Variants in SNX2 observed in about 807,000 individuals in gnomAD.
SNX2 encodes sorting nexin 2, also known as sorting nexin-2.
Under a neutral mutation model 69.9 loss-of-function variants are expected in SNX2, and 25 were observed. The ratio of observed to expected loss-of-function variants is 0.36; its 90% CI spans 0.26 to 0.50. The LOEUF (loss-of-function observed/expected upper bound fraction) is 0.50. Ranked by LOEUF, SNX2 falls within the 20% of genes least tolerant of loss-of-function variation. The pLI, the probability that SNX2 is intolerant of heterozygous loss-of-function variation, is 0.97. For missense variants in SNX2, 551 were observed against 613.3 expected (o/e 0.90, Z 1.07); for synonymous variants, 229 against 200.4 (o/e 1.14, Z -1.20).
chr5:122,784,451 A>T (rs1230912896), intron 1 of SNX2, among the ~76,000 whole-genome samples: 1 of 151,886 alleles, frequency 6.6e-6, no homozygotes, highest in Non-Finnish European at 1.5e-5. Flanking sequence ...TGCATTCATT[A>T]TGATAATCAT....
At chr5:122,817,540 A>G (rs1041184608) in intron 10 of SNX2, among the ~76,000 whole-genome samples, 167 bp downstream of exon 10, 3 of 151,978 alleles carry the variant, frequency 2.0e-5, no homozygotes, top group Admixed American at 2.0e-4. Context: ...TTTTTGTTCT[A>G]TTTTGCTTTA....
At chr5:122,784,804 A>G (rs1217817910) in intron 1 of SNX2, among the ~76,000 whole-genome samples, 10 of 152,168 alleles carry the variant, frequency 6.6e-5, no homozygotes, top group African/African-American at 2.2e-4. Flanking sequence ...GTTGTGTGGA[A>G]TTAGTCTTAC....
chr5:122,822,646 G>A (rs1400403815), intron 11 of SNX2, among the ~76,000 whole-genome samples: 4 of 152,130 alleles, frequency 2.6e-5, no homozygotes, highest in East Asian at 3.9e-4. Context: ...TAAGCCTGGC[G>A]TTGTGTCAGG....
chr5:122,820,352 A>G (rs1254671967), intron 11 of SNX2, among the ~76,000 whole-genome samples: 1 of 152,174 alleles, frequency 6.6e-6, no homozygotes, highest in Non-Finnish European at 1.5e-5. Flanking sequence ...CCTGGCCAAC[A>G]TGGTGAAACC....
rs1332027242 is a variant in SNX2 at position 122,816,920 on chromosome 5, T to TA, written c.805dup (p.Arg269LysfsTer4). 1 of 1,603,884 alleles carries TA rather than the reference T, an allele frequency of 6.2e-7. No individual in the cohort carries two copies. The highest frequency in any genetic ancestry group is 2.2e-5 in the East Asian group (1 of 44,750). On this transcript the variant is annotated frameshift_variant, in exon 9 of 15. Coordinates refer to ENST00000379516, the MANE Select transcript of SNX2 (RefSeq NM_003100.4). LOFTEE classifies it high-confidence loss of function. ...TATTTGTCATTCAATTCCAGCTGCC[T>TA]AGAGCAGTTAATACACAGGCTCTGA...
chr5:122,786,688 T>TA (rs3834246), intron 1 of SNX2, among the ~76,000 whole-genome samples: 30,347 of 147,156 alleles, frequency 0.21, 3,431 homozygotes, highest in East Asian at 0.46. Context: ...TAAGACAGAA[T>TA]AAAAAAAAAA....
chr5:122,787,635 A>T (rs1365415173), intron 1 of SNX2, among the ~76,000 whole-genome samples: 1 of 152,154 alleles, frequency 6.6e-6, no homozygotes, highest in Non-Finnish European at 1.5e-5. Context: ...TAGCCTCTCC[A>T]TAGTGATATG....
At chr5:122,797,478 G>A (rs569693294) in intron 2 of SNX2, among the ~76,000 whole-genome samples, 3 of 150,676 alleles carry the variant, frequency 2.0e-5, no homozygotes, top group East Asian at 2.0e-4. Context: ...GATCATTTTT[G>A]TATGAATGAA....
intron 7 of SNX2, among the ~76,000 whole-genome samples, chr5:122,814,864 C>T (rs1753868526): frequency 2.0e-5 from 3 of 152,156 alleles, no homozygotes; most frequent in Admixed American, 6.5e-5. Flanking sequence ...ATTCTCCTTC[C>T]TCGGCCTCCT....
intron 3 of SNX2, 84 bp downstream of exon 3, chr5:122,799,939 A>C: frequency 1.9e-6 from 2 of 1,075,866 alleles, no homozygotes; most frequent in South Asian, 3.5e-5. Context: ...AGTCATTTCT[A>C]ATCAAAGCCT....
chr5:122,827,816 C>A (rs1581649937), intron 14 of SNX2, 170 bp downstream of exon 14: 1 of 540,156 alleles, frequency 1.9e-6, no homozygotes, highest in Non-Finnish European at 3.2e-6. Flanking sequence ...GAAACTATCT[C>A]ACGTGTTTTT....
At chr5:122,822,324 C>A (rs1754042943) in intron 11 of SNX2, among the ~76,000 whole-genome samples, 2 of 152,186 alleles carry the variant, frequency 1.3e-5, no homozygotes, top group Admixed American at 6.5e-5. Context: ...ACCTCGTGAT[C>A]TACTCACCTC....
At chr5:122,775,033 G>C (rs562642409), upstream of SNX2, 1 of 1,406,768 alleles carries the variant, frequency 7.1e-7, no homozygotes, top group Non-Finnish European at 9.4e-7. Flanking sequence ...GGGTCGGCGC[G>C]GGCCCAGCCG....
intron 1 of SNX2, among the ~76,000 whole-genome samples, chr5:122,792,214 G>C (rs748640159): frequency 6.6e-6 from 1 of 152,140 alleles, no homozygotes; most frequent in Non-Finnish European, 1.5e-5. Flanking sequence ...AGAGATTTTT[G>C]TGCCATTGAG....
chr5:122,803,682 G>A, intron 6 of SNX2, 69 bp downstream of exon 6: 1 of 1,264,430 alleles, frequency 7.9e-7, no homozygotes, highest in Non-Finnish European at 1.1e-6. Context: ...GTATAGATTT[G>A]TGGATTTCTT....
rs1430818419 is a variant in SNX2 at position 122,775,136 on chromosome 5, G to C, written c.33G>C (p.Gly11=). Residue 11 remains glycine (G), a synonymous_variant, in exon 1 of 15, where the codon GGG becomes GGC. Coordinates refer to ENST00000379516, the MANE Select transcript of SNX2 (RefSeq NM_003100.4). ...CCGAGAGGGAACCTCCTCCGCTGGG[G>C]GACGGGAAGCCCACCGACTTTGAGG... is the stretch of plus-strand genomic sequence containing the variant. MAAEREPPPL[G]DGKPTDFEDL... is the part of the protein sequence containing the mutation. The C allele has an allele frequency of 6.3e-7, 1 of 1,595,686 alleles. No homozygotes were observed. The highest frequency in any genetic ancestry group is 8.5e-7 in the Non-Finnish European group (1 of 1,172,880).
At chr5:122,786,745 G>A (rs917374286) in intron 1 of SNX2, among the ~76,000 whole-genome samples, 12 of 151,440 alleles carry the variant, frequency 7.9e-5, no homozygotes, top group African/African-American at 2.4e-4. Flanking sequence ...TTACATTTTG[G>A]CTCCCTCCTT....
chr5:122,797,653 C>T (rs1259977547), intron 2 of SNX2, among the ~76,000 whole-genome samples: 1 of 152,162 alleles, frequency 6.6e-6, no homozygotes, highest in East Asian at 1.9e-4. Context: ...CGATTTGTCC[C>T]TCCTATACCA....
intron 11 of SNX2, among the ~76,000 whole-genome samples, chr5:122,823,228 T>G (rs2150016898): frequency 6.6e-6 from 1 of 152,340 alleles, no homozygotes; most frequent in Admixed American, 6.5e-5. Context: ...TTGTTACGAT[T>G]TAATTGATTT....
Sources: allele counts gnomAD v4.1 joint callset (sites outside exome capture counted in the v4.1 genomes callset), GRCh38; gene constraint gnomAD v4.1.1; transcripts MANE v1.5; gene names NCBI Gene and HGNC (gene_info 2026-07-23, HGNC 2026-07-21).